Variants in BLTP3A observed in about 807,000 individuals in gnomAD.
The protein encoded by BLTP3A is ICBP90 binding protein 1.
chr6:34,836,784 A>C, the BLTP3A span, among the ~76,000 whole-genome samples: 6 of 152,212 alleles, frequency 3.9e-5, no homozygotes, highest in African/African-American at 1.4e-4. Context: ...GTCAGTTTAA[A>C]TATTTATTGT....
the BLTP3A span, among the ~76,000 whole-genome samples, chr6:34,860,054 C>T: frequency 6.6e-6 from 1 of 152,064 alleles, no homozygotes; most frequent in Non-Finnish European, 1.5e-5. Context: ...GACATTTGTA[C>T]CCCCAGTTTA....
the BLTP3A span, among the ~76,000 whole-genome samples, chr6:34,806,059 G>T: frequency 6.6e-6 from 1 of 152,158 alleles, no homozygotes; most frequent in Admixed American, 6.5e-5. Context: ...GGTTTAACAA[G>T]TCTGATTAAT....
chr6:34,824,392 A>G, the BLTP3A span, among the ~76,000 whole-genome samples: 10 of 151,512 alleles, frequency 6.6e-5, no homozygotes, highest in African/African-American at 2.4e-4. Context: ...CTCCATTTCT[A>G]CTAAAAATAA....
the BLTP3A span, chr6:34,871,580 G>T: frequency 6.2e-7 from 1 of 1,611,970 alleles, no homozygotes; most frequent in Non-Finnish European, 8.5e-7. Context: ...TCTCTTTCCT[G>T]CAGGATGATA....
At chr6:34,817,089 A>G in the BLTP3A span, among the ~76,000 whole-genome samples, 6 of 152,326 alleles carry the variant, frequency 3.9e-5, no homozygotes, top group African/African-American at 1.2e-4. Context: ...TGTCAGGACT[A>G]CTGTCTCCTC....
At chr6:34,876,948 T>C in the BLTP3A span, 1 of 152,406 alleles carries the variant, frequency 6.6e-6, no homozygotes, top group Non-Finnish European at 1.5e-5. Context: ...TTATTCAGTA[T>C]CTCTAATTGC....
chr6:34,848,166 C>T, the BLTP3A span, among the ~76,000 whole-genome samples: 4 of 150,910 alleles, frequency 2.7e-5, no homozygotes, highest in Non-Finnish European at 5.9e-5. Flanking sequence ...AGGGATCTGC[C>T]TGCCTTGGCC....
At chr6:34,816,182 C>G in the BLTP3A span, among the ~76,000 whole-genome samples, 1 of 152,224 alleles carries the variant, frequency 6.6e-6, no homozygotes, top group Non-Finnish European at 1.5e-5. Context: ...AGTATAATCA[C>G]TCAGAGAATG....
the BLTP3A span, among the ~76,000 whole-genome samples, chr6:34,868,123 A>G: frequency 1.3e-5 from 2 of 151,710 alleles, no homozygotes; most frequent in Non-Finnish European, 2.9e-5. Context: ...CCTGGCCAAC[A>G]TGGTAAAACG....
chr6:34,829,669 C>G, the BLTP3A span, among the ~76,000 whole-genome samples: 3 of 151,790 alleles, frequency 2.0e-5, no homozygotes, highest in Admixed American at 2.0e-4. Context: ...GAGTCTTGCT[C>G]TGTTGCCCAG....
At chr6:34,869,946 G>A in the BLTP3A span, among the ~76,000 whole-genome samples, 1 of 152,178 alleles carries the variant, frequency 6.6e-6, no homozygotes, top group East Asian at 1.9e-4. Flanking sequence ...ACTGTGCACG[G>A]CACTTTTTGC....
the BLTP3A span, chr6:34,872,558 A>AGC: frequency 7.8e-7 from 1 of 1,289,966 alleles, no homozygotes; most frequent in South Asian, 1.8e-5. Flanking sequence ...GGGACTGGGG[A>AGC]GCACTCACTT....
the BLTP3A span, among the ~76,000 whole-genome samples, chr6:34,795,992 A>T: frequency 6.6e-6 from 1 of 152,134 alleles, no homozygotes; most frequent in African/African-American, 2.4e-5. Context: ...CACATGTGAC[A>T]TTTGTGTCTC....
At chr6:34,823,062 G>A in the BLTP3A span, among the ~76,000 whole-genome samples, 1 of 152,056 alleles carries the variant, frequency 6.6e-6, no homozygotes, top group East Asian at 1.9e-4. Context: ...AAATGGAAGG[G>A]GGAAAATGAG....
the BLTP3A span, chr6:34,858,099 A>T: frequency 8.1e-6 from 13 of 1,603,212 alleles, no homozygotes; most frequent in Non-Finnish European, 1.1e-5. Context: ...ACCATTCTGA[A>T]TTGTGTTTCA....
chr6:34,850,579 CT>C, the BLTP3A span, among the ~76,000 whole-genome samples: 1 of 152,052 alleles, frequency 6.6e-6, no homozygotes, highest in Non-Finnish European at 1.5e-5. Context: ...CCTGATTATG[CT>C]TTTTCAAATA....
the BLTP3A span, chr6:34,859,560 G>T: frequency 2.5e-6 from 4 of 1,613,654 alleles, no homozygotes; most frequent in African/African-American, 1.3e-5. Flanking sequence ...TGTTGTCCCT[G>T]CCCCCAGCCA....
At chr6:34,850,759 T>C in the BLTP3A span, among the ~76,000 whole-genome samples, 2 of 152,186 alleles carry the variant, frequency 1.3e-5, no homozygotes, top group Non-Finnish European at 2.9e-5. Flanking sequence ...TACAGTGGCA[T>C]AATCATAGCT....
chr6:34,872,247 C>T, the BLTP3A span: 2 of 1,542,378 alleles, frequency 1.3e-6, no homozygotes, highest in East Asian at 4.5e-5. Context: ...TCCCTGTTCC[C>T]TTTACTGGCG....
Sources: allele counts gnomAD v4.1 joint callset (sites outside exome capture counted in the v4.1 genomes callset), GRCh38; gene constraint gnomAD v4.1.1; transcripts MANE v1.5; gene names NCBI Gene and HGNC (gene_info 2026-07-23, HGNC 2026-07-21).